The following NOL12 variants were observed in gnomAD, a reference collection of about 807,000 sequenced individuals.
The protein encoded by NOL12 is nucleolar protein 12.
In NOL12, 21 loss-of-function variants were observed where a neutral mutation model predicts 25.2. That is an observed-to-expected ratio of 0.83 (90% CI 0.59 to 1.20). The LOEUF (loss-of-function observed/expected upper bound fraction) is 1.20, where lower values mean the gene tolerates loss of function less well. Ranked by LOEUF, NOL12 falls within the 50% of genes most tolerant of loss-of-function variation. The pLI is 0.00. For synonymous variants in NOL12, 133 were observed against 113.8 expected (o/e 1.17, Z -1.08); for missense variants, 286 against 287.6 (o/e 0.99, Z 0.04).
In NOL12 at chr22:37,686,414, A is replaced by G. The variant is rs141066434; in HGVS notation, c.22A>G (p.Lys8Glu). 6.2e-7 allele frequency: 1 copy of G among 1,605,632 alleles called. No homozygotes were observed. Among genetic ancestry groups the G allele is most frequent in the South Asian group, 1.1e-5 (1 of 89,666 alleles). The change falls in exon 1 of 6, where the codon AAG (lysine) becomes GAG (glutamate). Residue 8 changes from lysine to glutamate, a missense_variant. Coordinates refer to ENST00000359114, the MANE Select transcript of NOL12 (RefSeq NM_024313.3). ...TGCTATGGGCCGCAACAAGAAGAAG[A>G]AGCGAGATGGTGACGACCGGCGGCC... MGRNKKKKRDGDDRRPRL... is the reference protein window; with the variant it reads MGRNKKKERDGDDRRPRL...
At chr22:37,688,088 G>A in intron 2 of NOL12, 73 bp downstream of exon 2, 1 of 1,314,478 alleles carries the variant, frequency 7.6e-7, no homozygotes, top group Non-Finnish European at 1.1e-6. Flanking sequence ...CCCTAATAGA[G>A]GCAGCTGCTG....
At position 37,691,433 on chromosome 22, in the gene NOL12, T is replaced by C. The variant is rs1922061524; in HGVS notation, c.*97T>C. 6 of 1,360,116 alleles carry C rather than the reference T, an allele frequency of 4.4e-6. No individual in the cohort carries two copies. The highest frequency in any genetic ancestry group is 2.8e-5 in the Admixed American group (1 of 35,140). 84.3% of individuals were successfully genotyped at this position (1,360,116 alleles called of 1,614,324 possible). A position where few individuals can be genotyped will look rare whatever the true frequency, so the allele number is the denominator to read the frequency against. Reference sequence around the variant, plus strand: ...GCCCAGCCTGCACCTAGGTAATGACTGCACAGCTCAAGGTTGGGAAGCCAG... The same window carrying C: ...GCCCAGCCTGCACCTAGGTAATGACCGCACAGCTCAAGGTTGGGAAGCCAG... On this transcript the variant is annotated 3_prime_UTR_variant, in exon 6 of 6. Transcript: ENST00000359114.
In NOL12 at chr22:37,688,845, C is replaced by T; in HGVS notation, c.239-5C>T. On this transcript the variant is annotated splice_polypyrimidine_tract_variant and splice_region_variant and intron_variant, in intron 3 of 5. Transcript: ENST00000359114. ...CTGAGACCAGGTCTGTGTCCACCCC[C>T]ACAGAGGAGGCAGATGAGCTGGACC... is the stretch of plus-strand genomic sequence containing the variant. The T allele has an allele frequency of 1.2e-6, 2 of 1,613,992 alleles. No homozygotes were observed. The highest frequency in any genetic ancestry group is 8.5e-7 in the Non-Finnish European group (1 of 1,179,984).
chr22:37,690,738 G>A lies in NOL12; in HGVS notation c.423G>A (p.Thr141=), dbSNP rs201545881. The A allele has an allele frequency of 5.2e-5, 84 of 1,613,876 alleles. No individual in the cohort carries two copies. The East Asian group carries it at 1.2e-3, about 22-fold the overall frequency. The part of the protein sequence containing the change: ...GDRSEEEASS[T]EKPTKALPRK... ...GGTCTGAGGAGGAGGCGTCATCCAC[G>A]GAGAAACCAACCAAAGCCTTGCCCA... The change falls in exon 5 of 6, where the codon ACG becomes ACA. Residue 141 remains threonine (T), a synonymous_variant. Coordinates refer to ENST00000359114, the MANE Select transcript of NOL12 (RefSeq NM_024313.3).
intron 1 of NOL12, chr22:37,687,004 T>C: frequency 2.0e-6 from 2 of 985,336 alleles, no homozygotes; most frequent in South Asian, 9.4e-5. Flanking sequence ...ACAGAGCAGC[T>C]AGCACTGTGG....
chr22:37,688,878 G>T lies in NOL12; in HGVS notation c.267G>T (p.Val89=). 6.2e-7 allele frequency: 1 copy of T among 1,614,064 alleles called. No individual in the cohort carries two copies. Among genetic ancestry groups the T allele is most frequent in the Non-Finnish European group, 8.5e-7 (1 of 1,180,000 alleles). The change falls in exon 4 of 6, where the codon GTG becomes GTT. Residue 89 remains valine (V), a synonymous_variant. Coordinates refer to ENST00000359114, the MANE Select transcript of NOL12 (RefSeq NM_024313.3). ...AGGCAGATGAGCTGGACCGGTTGGT[G>T]ACAGCAAAGACGGAGTCGGTGCAGT... is the stretch of plus-strand genomic sequence containing the variant. ...LEEADELDRL[V]TAKTESVQYD... is the part of the protein sequence containing the mutation.
intron 1 of NOL12, 141 bp downstream of exon 1, chr22:37,686,616 C>G (rs1921826894): frequency 7.3e-7 from 1 of 1,372,084 alleles, no homozygotes; most frequent in Non-Finnish European, 9.3e-7. Context: ...GGCCTTCCAG[C>G]CCGCGTTCCC....
intron 1 of NOL12, chr22:37,687,253 G>T: frequency 4.5e-6 from 1 of 222,170 alleles, no homozygotes; most frequent in Non-Finnish European, 7.1e-6. Flanking sequence ...CATGTACTGT[G>T]TGTGGCCCCC....
intron 1 of NOL12, 27 bp from the exon 2 acceptor site, chr22:37,687,883 C>G: frequency 6.5e-7 from 1 of 1,527,934 alleles, no homozygotes; most frequent in Non-Finnish European, 8.9e-7. Context: ...AATGACTCTC[C>G]TGTCTCTGCC....
chr22:37,686,972 T>C (rs1921842851), intron 1 of NOL12: 1 of 985,266 alleles, frequency 1.0e-6, no homozygotes, highest in Non-Finnish European at 1.2e-6. Context: ...AGCCCAGTGC[T>C]GGACCGTGGG....
Position 37,687,161 on chromosome 22 carries a change from G to T in NOL12, c.83+686G>T, listed in dbSNP as rs1003682028. Reference sequence around the variant, plus strand: ...GACATGGGTGTTGGTCCAGTGCAGGGTTTCCGAAGGTCTGGATGGTGGTGG... The same window carrying T: ...GACATGGGTGTTGGTCCAGTGCAGGTTTTCCGAAGGTCTGGATGGTGGTGG... On this transcript the variant is annotated intron_variant, in intron 1 of 5. Coordinates refer to ENST00000359114, the MANE Select transcript of NOL12 (RefSeq NM_024313.3). 1.7e-5 allele frequency: 15 copies of T among 907,322 alleles called. No individual in the cohort carries two copies. In the African/African-American group the frequency reaches 2.7e-4, roughly 16 times the overall value. 56.2% of individuals were successfully genotyped at this position (907,322 alleles called of 1,614,324 possible).
In NOL12 at chr22:37,692,397, C is replaced by A; in HGVS notation, c.*1061C>A. ...TAAAGCAGTTGCATCTTGACTCGTA[C>A]AAAAGTAGCCCCCACCAGAGTAGAC... On this transcript the variant is annotated 3_prime_UTR_variant, in exon 6 of 6. Coordinates refer to ENST00000359114, the MANE Select transcript of NOL12 (RefSeq NM_024313.3). 2.5e-6 allele frequency: 1 copy of A among 398,308 alleles called. No individual in the cohort carries two copies. Among genetic ancestry groups the A allele is most frequent in the Non-Finnish European group, 4.4e-6 (1 of 226,096 alleles). The allele number at this position is 398,308 out of a possible 1,614,324, so 24.7% of individuals were successfully genotyped here.
chr22:37,688,783 G>C, intron 3 of NOL12, 67 bp from the exon 4 acceptor site: 1 of 1,570,590 alleles, frequency 6.4e-7, no homozygotes, highest in Non-Finnish European at 8.7e-7. Context: ...ACTCCAGGGC[G>C]GGAGGGAGGC....
chr22:37,689,198 C>A (rs1281745535), intron 4 of NOL12, among the ~76,000 whole-genome samples: 1 of 152,248 alleles, frequency 6.6e-6, no homozygotes, highest in Non-Finnish European at 1.5e-5. Flanking sequence ...TTGGACCCTT[C>A]ATTCCCTGCT....
intron 4 of NOL12, among the ~76,000 whole-genome samples, chr22:37,690,072 G>A (rs981214195): frequency 6.6e-6 from 1 of 152,268 alleles, no homozygotes; most frequent in African/African-American, 2.4e-5. Flanking sequence ...TCGGGAGGCT[G>A]AAGCAGGAGA....
Position 37,688,410 on chromosome 22 carries a change from T to C in NOL12, c.238+50T>C, listed in dbSNP as rs754338108. The C allele has an allele frequency of 4.4e-6, 7 of 1,589,726 alleles. No homozygotes were observed. In the African/African-American group the frequency reaches 8.1e-5, roughly 18 times the overall value. ...TGGAGAACAGCTGATGGGCCTGGTT[T>C]ATACCCTTGGTGGGTGGAAGGGATA... On this transcript the variant is annotated intron_variant, in intron 3 of 5. Coordinates refer to ENST00000359114, the MANE Select transcript of NOL12 (RefSeq NM_024313.3).
At position 37,686,381 on chromosome 22, in the gene NOL12, G is replaced by A. The variant is rs1325651540; in HGVS notation, c.-12G>A. On this transcript the variant is annotated 5_prime_UTR_variant, in exon 1 of 6. Transcript: ENST00000359114. ...GTGTCTTCAGGGAGAGGAAGCCGGC[G>A]GCCTCACTGCTATGGGCCGCAACAA... The A allele has an allele frequency of 1.3e-6, 2 of 1,588,618 alleles. No individual in the cohort carries two copies. The highest frequency in any genetic ancestry group is 1.7e-6 in the Non-Finnish European group (2 of 1,170,458).
intron 2 of NOL12, 24 bp downstream of exon 2, chr22:37,688,039 G>T: frequency 7.7e-7 from 1 of 1,295,266 alleles, no homozygotes; most frequent in Non-Finnish European, 1.1e-6. Context: ...AGGTGGGAGG[G>T]AGGTCTTTGA....
chr22:37,691,205 C>A lies in NOL12; in HGVS notation c.511C>A (p.His171Asn), dbSNP rs1339561975. 2 of 1,613,786 alleles carry A rather than the reference C, an allele frequency of 1.2e-6. No homozygotes were observed. Among genetic ancestry groups the A allele is most frequent in the Middle Eastern group, 1.7e-4 (1 of 6,056 alleles). The change falls in exon 6 of 6, where the codon CAC becomes AAC. Residue 171 changes from histidine to asparagine, a missense_variant. Coordinates refer to ENST00000359114, the MANE Select transcript of NOL12 (RefSeq NM_024313.3). ...ISSLTASLHA[H>N]SRKKVKRKHP... Reference sequence around the variant, plus strand: ...CTCCCTCACAGCATCACTACATGCACACAGCCGCAAAAAGGTCAAGAGGAA... The same window carrying A: ...CTCCCTCACAGCATCACTACATGCAAACAGCCGCAAAAAGGTCAAGAGGAA...
Sources: allele counts gnomAD v4.1 joint callset (sites outside exome capture counted in the v4.1 genomes callset), GRCh38; gene constraint gnomAD v4.1.1; transcripts MANE v1.5; gene names NCBI Gene and HGNC (gene_info 2026-07-23, HGNC 2026-07-21).